DNAAF9: variants seen among roughly 807,000 people sequenced by gnomAD.
The protein encoded by DNAAF9 is shulin.
Under a neutral mutation model 167.0 loss-of-function variants are expected in DNAAF9, and 90 were observed. The ratio of observed to expected loss-of-function variants is 0.54; its 90% CI spans 0.45 to 0.64. DNAAF9 has a LOEUF of 0.64. Among genes scored for constraint, DNAAF9 ranks in the 30% least tolerant of loss-of-function variants. The pLI, the probability that DNAAF9 is intolerant of heterozygous loss-of-function variation, is 0.00. For missense variants in DNAAF9, 1,315 were observed against 1,442.2 expected, an observed-to-expected ratio of 0.91 and a Z score of 1.43; for synonymous variants, 491 against 508.8, an observed-to-expected ratio of 0.96 and a Z score of 0.47.
At chr20:3,278,852 A>C (rs182349992) in intron 29 of DNAAF9, 60 bp downstream of exon 29, 7 of 1,212,602 alleles carry the variant, frequency 5.8e-6, no homozygotes, top group Non-Finnish European at 8.6e-6. Context: ...AGAAAAGTCT[A>C]TTGCTGAATT....
intron 25 of DNAAF9, among the ~76,000 whole-genome samples, chr20:3,292,720 C>T (rs928112693): frequency 6.8e-6 from 1 of 147,886 alleles, no homozygotes; most frequent in Non-Finnish European, 1.5e-5. Flanking sequence ...GAGCCGAGAT[C>T]GGGCCCCTGC....
In DNAAF9 at chr20:3,318,394, T is replaced by C. The variant is rs374988917; in HGVS notation, c.1363A>G (p.Met455Val). 8.4e-6 allele frequency: 13 copies of C among 1,556,340 alleles called. No individual in the cohort carries two copies. The Admixed American group carries it at 1.7e-4, about 20-fold the overall frequency. ...DSLSFVKTAC[M>V]AVYDIPDLLG... is the part of the protein sequence containing the mutation. ...AAGTCAGGAATGTCATAGACGGCCA[T>C]ACAAGCCTGCATTGAATGAGAAACC... The change falls in exon 17 of 37, where the codon ATG becomes GTG. Residue 455 changes from methionine to valine, a missense_variant. This residue lies in a region of DNAAF9 where 981 missense variants were observed against 1,012.5 expected (regional missense o/e 0.97). Transcript: ENST00000252032.
intron 23 of DNAAF9, chr20:3,295,725 T>C (rs1441215247): frequency 1.6e-6 from 1 of 615,110 alleles, no homozygotes; most frequent in East Asian, 3.9e-5. Context: ...TTATCTGGCA[T>C]AACGCGTGAT....
intron 34 of DNAAF9, 57 bp downstream of exon 34, chr20:3,255,949 C>A: frequency 3.0e-6 from 4 of 1,344,036 alleles, no homozygotes; most frequent in Non-Finnish European, 3.2e-6. Flanking sequence ...GGGCCAACAG[C>A]AGCTCTGAGG....
At chr20:3,274,137 T>C (rs2068639487) in intron 29 of DNAAF9, among the ~76,000 whole-genome samples, 2 of 148,010 alleles carry the variant, frequency 1.4e-5, no homozygotes, top group South Asian at 4.2e-4. Context: ...ACTTATATTC[T>C]TTATTTTTAT....
At chr20:3,345,271 G>A (rs993343525) in intron 8 of DNAAF9, among the ~76,000 whole-genome samples, 1 of 152,098 alleles carries the variant, frequency 6.6e-6, no homozygotes, top group African/African-American at 2.4e-5. Flanking sequence ...ACCCCGCCTG[G>A]CTCAATTGGA....
intron 12 of DNAAF9, among the ~76,000 whole-genome samples, chr20:3,328,193 T>TTTTTGTTTGTTTTGTTTTG: frequency 6.6e-6 from 1 of 151,672 alleles, no homozygotes; most frequent in African/African-American, 2.4e-5. Context: ...GTTTTTTTTT[T>TTTTTGTTTGTTTTGTTTTG]TTTTTTGAGA....
intron 3 of DNAAF9, among the ~76,000 whole-genome samples, chr20:3,380,465 T>C (rs2083633295): frequency 6.6e-6 from 1 of 152,182 alleles, no homozygotes; most frequent in Admixed American, 6.5e-5. Context: ...AATTCCTTGT[T>C]CTAGGTGACT....
Position 3,318,407 on chromosome 20 carries a change from T to C in DNAAF9, c.1357-7A>G, listed in dbSNP as rs6139071. On this transcript the variant is annotated splice_polypyrimidine_tract_variant and splice_region_variant and intron_variant, in intron 16 of 36. Transcript: ENST00000252032. ...CATAGACGGCCATACAAGCCTGCAT[T>C]GAATGAGAAACCAGTTAGATCAGTT... The C allele has an allele frequency of 0.22, 325,352 of 1,446,620 alleles. 38,530 individuals are homozygous for C. Among genetic ancestry groups the C allele is most frequent in the African/African-American group, 0.37 (26,663 of 71,446 alleles). The allele number at this position is 1,446,620 out of a possible 1,614,324, so 89.6% of individuals were successfully genotyped here.
chr20:3,339,448 C>G (rs534554941), intron 10 of DNAAF9, among the ~76,000 whole-genome samples: 1 of 152,246 alleles, frequency 6.6e-6, no homozygotes, highest in South Asian at 2.1e-4. Context: ...GAGTTAGGTT[C>G]TGTTTAATGT....
At chr20:3,338,686 CTT>C (rs1186679317) in intron 10 of DNAAF9, among the ~76,000 whole-genome samples, 1 of 124,880 alleles carries the variant, frequency 8.0e-6, no homozygotes, top group African/African-American at 3.0e-5. Context: ...GAGTTTTGCT[CTT>C]GTTGCCTAGG....
At chr20:3,309,130 T>C (rs1475545194) in intron 20 of DNAAF9, among the ~76,000 whole-genome samples, 1 of 152,198 alleles carries the variant, frequency 6.6e-6, no homozygotes, top group Non-Finnish European at 1.5e-5. Context: ...TCTTAGCACT[T>C]TGCTCAAAGT....
chr20:3,383,382 C>T (rs1170849633), intron 1 of DNAAF9, among the ~76,000 whole-genome samples: 1 of 151,382 alleles, frequency 6.6e-6, no homozygotes, highest in Non-Finnish European at 1.5e-5. Flanking sequence ...GATTCTCCCG[C>T]CTCAGCCTCC....
intron 16 of DNAAF9, among the ~76,000 whole-genome samples, chr20:3,318,896 T>C (rs905206883): frequency 6.6e-6 from 1 of 151,248 alleles, no homozygotes; most frequent in Non-Finnish European, 1.5e-5. Flanking sequence ...CTGGGCAACA[T>C]GGTGAAACCC....
At chr20:3,399,334 G>A (rs750869994) in intron 1 of DNAAF9, among the ~76,000 whole-genome samples, 48 of 151,810 alleles carry the variant, frequency 3.2e-4, no homozygotes, top group Non-Finnish European at 4.0e-4. Context: ...CTCAGCCTCC[G>A]GAGTAGCTGG....
chr20:3,297,922 C>A, intron 22 of DNAAF9, 107 bp downstream of exon 22: 1 of 867,194 alleles, frequency 1.2e-6, no homozygotes. Flanking sequence ...CCTCCTAACT[C>A]TCCCTCTCAT....
chr20:3,345,791 G>A (rs6051769), intron 8 of DNAAF9, among the ~76,000 whole-genome samples: 25,205 of 152,022 alleles, frequency 0.17, 2,266 homozygotes, highest in Non-Finnish European at 0.19. Context: ...AAAAGTATTT[G>A]GAGTATATAC....
intron 9 of DNAAF9, among the ~76,000 whole-genome samples, chr20:3,341,113 T>C (rs553716386): frequency 3.9e-5 from 6 of 152,156 alleles, no homozygotes; most frequent in African/African-American, 9.6e-5. Flanking sequence ...ATACCACACA[T>C]ACCTGGCTCT....
chr20:3,284,869 G>A (rs918004227), intron 27 of DNAAF9, among the ~76,000 whole-genome samples: 2 of 151,700 alleles, frequency 1.3e-5, no homozygotes, highest in Non-Finnish European at 2.9e-5. Context: ...TTGTGTGTGT[G>A]TATGTGTGTG....
Sources: gnomAD v4.1 joint callset for allele counts (sites outside exome capture counted in the v4.1 genomes callset) on GRCh38, gnomAD v4.1.1 for gene constraint, gnomAD v4.1.1 regional missense constraint, MANE v1.5 for transcripts, NCBI Gene and HGNC (gene_info 2026-07-23, HGNC 2026-07-21) for gene names.